Variants in EYS observed in about 807,000 individuals in gnomAD.
EYS encodes the protein protein eyes shut homolog.
EYS carries 250 observed loss-of-function variants against 282.1 expected under a neutral mutation model. The observed-to-expected ratio is 0.89, with a 90% CI of 0.80 to 0.98. EYS has a LOEUF of 0.98. EYS is among the 50% of genes least tolerant of loss of function. The pLI, the probability that EYS is intolerant of heterozygous loss-of-function variation, is 0.00. For synonymous variants in EYS, 1,355 were observed against 1,282.9 expected (o/e 1.06, Z -1.20); for missense variants, 4,016 against 3,709.0 (o/e 1.08, Z -2.15).
At chr6:64,698,744 A>C (rs1034685997) in intron 22 of EYS, among the ~76,000 whole-genome samples, 7 of 152,214 alleles carry the variant, frequency 4.6e-5, no homozygotes, top group Non-Finnish European at 1.0e-4. Flanking sequence ...ATCAATCATC[A>C]TCAGAGAAAT....
intron 1 of EYS, among the ~76,000 whole-genome samples, chr6:65,705,534 G>C (rs1332903141): frequency 6.6e-6 from 1 of 152,096 alleles, no homozygotes; most frequent in African/African-American, 2.4e-5. Context: ...CCAAATCAAG[G>C]CTTGGTATTA....
chr6:64,107,271 GTATATATATA>G lies in EYS; in HGVS notation c.6425-25279_6425-25270del, dbSNP rs1262221890. The stretch of plus-strand genomic sequence containing the variant: ...TATATATATATATATGTGTGTGTGT[GTATATATATA>G]TATTTATATATATATATATATATAT... On this transcript the variant is annotated intron_variant, in intron 31 of 42. Transcript: ENST00000503581. Among the ~76,000 whole-genome samples, 12 of 99,964 alleles carry G rather than the reference GTATATATATA, an allele frequency of 1.2e-4. 1 individual carries two copies. The highest frequency in any genetic ancestry group is 4.6e-4 in the African/African-American group (12 of 26,258). 65.6% of individuals were successfully genotyped at this position (99,964 alleles called of 152,430 possible).
chr6:65,672,544 A>G (rs1238637217), intron 1 of EYS, among the ~76,000 whole-genome samples: 1 of 152,104 alleles, frequency 6.6e-6, no homozygotes, highest in Non-Finnish European at 1.5e-5. Flanking sequence ...AAATGCATAG[A>G]TCCCAACAAA....
intron 26 of EYS, among the ~76,000 whole-genome samples, chr6:64,581,652 C>T (rs1193638518): frequency 1.3e-5 from 2 of 152,022 alleles, no homozygotes; most frequent in African/African-American, 4.8e-5. Context: ...GCATGTTATT[C>T]TTATCACAAC....
chr6:64,617,043 TG>T (rs1317411292), intron 24 of EYS, among the ~76,000 whole-genome samples: 1 of 152,138 alleles, frequency 6.6e-6, no homozygotes, highest in Non-Finnish European at 1.5e-5. Context: ...AGCCCAACCC[TG>T]GAAGTAGTAC....
In EYS at chr6:64,590,093, A is replaced by G. The variant is rs546775016; in HGVS notation, c.5644+130T>C. The G allele has an allele frequency of 3.4e-4, 254 of 757,318 alleles. No homozygotes were observed. In the African/African-American group the frequency reaches 4.2e-3, roughly 12 times the overall value. 46.9% of individuals were successfully genotyped at this position (757,318 alleles called of 1,614,324 possible). ...AGGTACAACAGCAGGTGCCTTCTCA[A>G]TTGAACTGGCTGCTGCCCTGATTAC... is the stretch of plus-strand genomic sequence containing the variant. On this transcript the variant is annotated intron_variant, in intron 26 of 42. Transcript: ENST00000503581.
chr6:65,329,406 G>C (rs891801982), intron 11 of EYS: 3 of 908,568 alleles, frequency 3.3e-6, no homozygotes, highest in Non-Finnish European at 2.6e-6. Context: ...AAGGATTTAA[G>C]AACCAAGATT....
chr6:64,527,280 C>G (rs905357262), intron 26 of EYS, among the ~76,000 whole-genome samples: 1 of 151,566 alleles, frequency 6.6e-6, no homozygotes. Flanking sequence ...AAATAACAAC[C>G]AAAACAGGAA....
chr6:64,411,230 A>G (rs942997697), intron 28 of EYS, among the ~76,000 whole-genome samples: 2 of 152,122 alleles, frequency 1.3e-5, no homozygotes, highest in Non-Finnish European at 2.9e-5. Flanking sequence ...GGTTTATATT[A>G]GAAGTTAGAG....
intron 28 of EYS, among the ~76,000 whole-genome samples, chr6:64,422,732 G>C (rs939426049): frequency 6.6e-6 from 1 of 152,184 alleles, no homozygotes; most frequent in Non-Finnish European, 1.5e-5. Flanking sequence ...GATGGAGTGA[G>C]AGGTTAATTA....
At chr6:65,493,204 C>T (rs1330038933) in intron 4 of EYS, among the ~76,000 whole-genome samples, 1 of 152,186 alleles carries the variant, frequency 6.6e-6, no homozygotes, top group African/African-American at 2.4e-5. Flanking sequence ...CATGAGCCGC[C>T]TCCAAGTCGG....
At chr6:64,482,442 T>C (rs1776462342) in intron 26 of EYS, among the ~76,000 whole-genome samples, 1 of 151,784 alleles carries the variant, frequency 6.6e-6, no homozygotes, top group African/African-American at 2.4e-5. Flanking sequence ...AGAAGATAGC[T>C]TATTTTTTTC....
rs962089636 is a variant in EYS, at chr6:64,256,946, G to A, written c.6192-26122C>T. On this transcript the variant is annotated intron_variant, in intron 30 of 42. Coordinates refer to ENST00000503581, the MANE Select transcript of EYS (RefSeq NM_001142800.2). ...TCCCAATGCTATTTCTCCTTCATTG[G>A]TTCTCCAGAACTTCAGCACAATTAT... Among the ~76,000 whole-genome samples, 4 of 151,950 alleles carry A rather than the reference G, an allele frequency of 2.6e-5. No homozygotes were observed. The East Asian group carries it at 7.7e-4, about 29-fold the overall frequency.
intron 14 of EYS, among the ~76,000 whole-genome samples, chr6:64,968,091 C>A (rs947767922): frequency 1.4e-4 from 22 of 152,148 alleles, no homozygotes; most frequent in African/African-American, 5.1e-4. Flanking sequence ...AAATTTGTAC[C>A]CTCTCTTCAA....
At chr6:65,174,528 A>G (rs1765181400) in intron 12 of EYS, among the ~76,000 whole-genome samples, 1 of 151,354 alleles carries the variant, frequency 6.6e-6, no homozygotes, top group Admixed American at 6.6e-5. Context: ...ATGATAATTT[A>G]AAGTCAATTG....
At chr6:64,541,600 C>T (rs967768773) in intron 26 of EYS, among the ~76,000 whole-genome samples, 1 of 152,068 alleles carries the variant, frequency 6.6e-6, no homozygotes, top group African/African-American at 2.4e-5. Context: ...TCACGTATTA[C>T]TAAAGTATAT....
rs1269034658 is a variant in EYS at position 65,405,207 on chromosome 6, A to C, written c.1023T>G (p.Cys341Trp). ...TTTTGATGCAGTCAGTACCATTCTGACATGGTACTAATGAAAACTCACTGA... is the reference window on the plus strand; with the variant it reads ...TTTTGATGCAGTCAGTACCATTCTGCCATGGTACTAATGAAAACTCACTGA... ...TDVSEFSLVP[C>W]QNGTDCIKIS... The change falls in exon 6 of 43, where the codon TGT becomes TGG. Residue 341 changes from cysteine (C) to tryptophan (W), a missense_variant. Physicochemically the swap from Cys to Trp is radical, Grantham distance 215 (BLOSUM62 -2). Transcript: ENST00000503581. 1 of 1,612,410 alleles carries C rather than the reference A, an allele frequency of 6.2e-7. No homozygotes were observed. Among genetic ancestry groups the C allele is most frequent in the Non-Finnish European group, 8.5e-7 (1 of 1,178,696 alleles).
chr6:64,498,659 T>C (rs1159170466), intron 26 of EYS, among the ~76,000 whole-genome samples: 2 of 151,804 alleles, frequency 1.3e-5, no homozygotes, highest in South Asian at 2.1e-4. Flanking sequence ...GTGTGTGATG[T>C]TCCCCTCCCT....
intron 5 of EYS, among the ~76,000 whole-genome samples, chr6:65,457,483 C>A (rs1764669574): frequency 6.6e-6 from 1 of 152,066 alleles, no homozygotes; most frequent in South Asian, 2.1e-4. Flanking sequence ...TCTTTCAATG[C>A]AGCAGCAATC....
Sources: allele counts gnomAD v4.1 joint callset (sites outside exome capture counted in the v4.1 genomes callset), GRCh38; gene constraint gnomAD v4.1.1; transcripts MANE v1.5; gene names NCBI Gene and HGNC (gene_info 2026-07-23, HGNC 2026-07-21).